The following NUDCD1 variants were observed in gnomAD, a reference collection of about 807,000 sequenced individuals.
NUDCD1 encodes nudC domain-containing protein 1.
In NUDCD1, 60 loss-of-function variants were observed where a neutral mutation model predicts 67.8. That is an observed-to-expected ratio of 0.88 (90% confidence interval 0.72 to 1.10). The LOEUF is 1.10. NUDCD1 is among the 50% of genes least tolerant of loss of function. NUDCD1 has a pLI of 0.00. For missense variants in NUDCD1, 643 were observed against 695.0 expected, an observed-to-expected ratio of 0.93 and a Z score of 0.84; for synonymous variants, 244 against 230.8, an observed-to-expected ratio of 1.06 and a Z score of -0.52.
intron 1 of NUDCD1, among the ~76,000 whole-genome samples, chr8:109,323,925 C>A (rs1341985191): frequency 6.6e-6 from 1 of 151,856 alleles, no homozygotes; most frequent in Non-Finnish European, 1.5e-5. Context: ...ATGCAAAAAT[C>A]AACTCAAAAA....
chr8:109,324,116 C>A (rs1476790426), intron 1 of NUDCD1, among the ~76,000 whole-genome samples: 1 of 151,686 alleles, frequency 6.6e-6, no homozygotes, highest in Admixed American at 6.6e-5. Context: ...AAACAAACAA[C>A]CTAGTGAAGA....
intron 2 of NUDCD1, among the ~76,000 whole-genome samples, chr8:109,308,564 A>C (rs1815164279): frequency 6.6e-6 from 1 of 152,206 alleles, no homozygotes; most frequent in South Asian, 2.1e-4. Flanking sequence ...AAGACAAATA[A>C]AATGCATAGA....
At chr8:109,314,870 T>A (rs1815352543) in intron 2 of NUDCD1, among the ~76,000 whole-genome samples, 1 of 152,108 alleles carries the variant, frequency 6.6e-6, no homozygotes. Context: ...GTTGCAGCTA[T>A]AAGTAGAGAA....
intron 2 of NUDCD1, among the ~76,000 whole-genome samples, chr8:109,310,409 C>A (rs1223416673): frequency 1.3e-5 from 2 of 152,190 alleles, no homozygotes; most frequent in Non-Finnish European, 2.9e-5. Context: ...GGATAATTGG[C>A]CAGCCACATG....
intron 8 of NUDCD1, among the ~76,000 whole-genome samples, chr8:109,269,336 T>G (rs529870849): frequency 6.6e-6 from 1 of 151,902 alleles, no homozygotes; most frequent in South Asian, 2.1e-4. Context: ...ATTGGTCCTA[T>G]GCCATTCCAC....
At chr8:109,318,345 G>A (rs1815452919) in intron 2 of NUDCD1, among the ~76,000 whole-genome samples, 3 of 152,140 alleles carry the variant, frequency 2.0e-5, no homozygotes, top group Admixed American at 2.0e-4. Flanking sequence ...AAACTTTATG[G>A]TACAGCAAAT....
intron 2 of NUDCD1, among the ~76,000 whole-genome samples, chr8:109,317,889 G>C (rs1184134337): frequency 6.6e-6 from 1 of 152,084 alleles, no homozygotes; most frequent in East Asian, 1.9e-4. Flanking sequence ...GATATATGGA[G>C]ACTGCTGTAC....
chr8:109,255,818 C>T (rs191033475), intron 8 of NUDCD1, among the ~76,000 whole-genome samples: 2 of 152,164 alleles, frequency 1.3e-5, no homozygotes, highest in East Asian at 3.9e-4. Flanking sequence ...AAAGGTAGAA[C>T]ATTTCAGGCA....
At chr8:109,291,023 A>T (rs1814699617) in intron 4 of NUDCD1, among the ~76,000 whole-genome samples, 1 of 152,222 alleles carries the variant, frequency 6.6e-6, no homozygotes, top group Non-Finnish European at 1.5e-5. Flanking sequence ...GACTTTAAAG[A>T]TCCAAACACC....
intron 6 of NUDCD1, 133 bp from the exon 7 acceptor site, chr8:109,275,629 T>C (rs1395504530): frequency 6.7e-6 from 5 of 743,214 alleles, no homozygotes; most frequent in Non-Finnish European, 1.0e-5. Flanking sequence ...TTACCAAAAA[T>C]CTTGCTCATT....
chr8:109,328,819 C>T (rs62509872), intron 1 of NUDCD1, among the ~76,000 whole-genome samples: 68 of 152,086 alleles, frequency 4.5e-4, no homozygotes, highest in Non-Finnish European at 8.8e-4. Flanking sequence ...ATAACCTGCA[C>T]CTAACAAGGT....
Position 109,333,953 on chromosome 8 carries a change from A to G in NUDCD1, c.58T>C (p.Phe20Leu). 1 of 1,614,164 alleles carries G rather than the reference A, an allele frequency of 6.2e-7. No homozygotes were observed. The highest frequency in any genetic ancestry group is 8.5e-7 in the Non-Finnish European group (1 of 1,179,978). Residue 20 changes from phenylalanine (F) to leucine (L), a missense_variant, in exon 1 of 10, where the codon TTC (phenylalanine) becomes CTC (leucine). By Grantham distance (22) the Phe-to-Leu change is conservative (BLOSUM62 0). Coordinates refer to ENST00000239690, the MANE Select transcript of NUDCD1 (RefSeq NM_032869.4). ...TCAAGAGAGAGCTTGTAACCCTCGA[A>G]GCGGGGATCCAACAGAGGTCTCTTC... Reference protein sequence around the residue: ...RVKRPLLDPRFEGYKLSLEPL... With the variant: ...RVKRPLLDPRLEGYKLSLEPL...
At chr8:109,252,532 A>G (rs1813644884) in intron 8 of NUDCD1, among the ~76,000 whole-genome samples, 1 of 152,168 alleles carries the variant, frequency 6.6e-6, no homozygotes, top group Non-Finnish European at 1.5e-5. Context: ...CTGAACCAGG[A>G]CATCTTCTAA....
intron 2 of NUDCD1, among the ~76,000 whole-genome samples, chr8:109,320,607 C>T (rs959923524): frequency 6.6e-6 from 1 of 152,122 alleles, no homozygotes; most frequent in East Asian, 1.9e-4. Flanking sequence ...CGATAGACAT[C>T]CTCCTCAGCT....
intron 6 of NUDCD1, among the ~76,000 whole-genome samples, chr8:109,279,989 T>A (rs1814393844): frequency 6.6e-6 from 1 of 152,236 alleles, no homozygotes. Context: ...AAAACAAATG[T>A]AAATGGAGAA....
At chr8:109,287,634 A>G (rs943094562) in intron 5 of NUDCD1, among the ~76,000 whole-genome samples, 1 of 152,156 alleles carries the variant, frequency 6.6e-6, no homozygotes, top group African/African-American at 2.4e-5. Flanking sequence ...AATAGGGACT[A>G]CTAGAGGGGG....
At chr8:109,298,590 C>CTT (rs1322110575) in intron 2 of NUDCD1, 1 of 152,104 alleles carries the variant, frequency 6.6e-6, no homozygotes, top group African/African-American at 2.4e-5. Context: ...TAGAAAAAGT[C>CTT]TTTCTACATG....
intron 6 of NUDCD1, 63 bp downstream of exon 6, chr8:109,280,905 G>C (rs1814419802): frequency 2.6e-6 from 2 of 770,364 alleles, no homozygotes; most frequent in Non-Finnish European, 4.0e-6. Context: ...AACCACTGTG[G>C]AAAGAGTAAA....
chr8:109,322,929 A>G (rs1437318801), intron 1 of NUDCD1, among the ~76,000 whole-genome samples: 1 of 152,250 alleles, frequency 6.6e-6, no homozygotes, highest in Non-Finnish European at 1.5e-5. Flanking sequence ...AGTTATATAA[A>G]TAAATGTATA....
Sources: allele counts gnomAD v4.1 joint callset (sites outside exome capture counted in the v4.1 genomes callset), GRCh38; gene constraint gnomAD v4.1.1; transcripts MANE v1.5; gene names NCBI Gene and HGNC (gene_info 2026-07-23, HGNC 2026-07-21).